Variants in SAMMSON observed in about 807,000 individuals in gnomAD.
The protein encoded by SAMMSON is survival associated mitochondrial melanoma specific oncogenic non-coding RNA, also known as long intergenic non-protein coding RNA 1212.
intron 3 of SAMMSON, among the ~76,000 whole-genome samples, chr3:70,071,210 G>A (rs1371881971): frequency 4.6e-5 from 7 of 152,006 alleles, no homozygotes; most frequent in Non-Finnish European, 1.0e-4. Flanking sequence ...ATTTATACGT[G>A]CATCTGTGCA....
At chr3:70,053,431 A>C (rs1238298356) in intron 3 of SAMMSON, among the ~76,000 whole-genome samples, 1 of 152,144 alleles carries the variant, frequency 6.6e-6, no homozygotes, top group Admixed American at 6.5e-5. Context: ...CATAGAAAAG[A>C]GATCAGAAAG....
At chr3:70,163,637 G>T (rs964085753) in intron 4 of SAMMSON, among the ~76,000 whole-genome samples, 5 of 151,912 alleles carry the variant, frequency 3.3e-5, no homozygotes, top group Non-Finnish European at 7.4e-5. Flanking sequence ...GCAAAAGAAA[G>T]AGAGTCATAA....
At chr3:70,166,577 C>T (rs1449401532) in intron 4 of SAMMSON, among the ~76,000 whole-genome samples, 2 of 151,962 alleles carry the variant, frequency 1.3e-5, no homozygotes, top group Non-Finnish European at 1.5e-5. Flanking sequence ...AGCCACTGAC[C>T]TTCAGGCTGC....
rs994841427 is a variant in SAMMSON at position 70,216,474 on chromosome 3, G to A, written n.508-32633G>A. Among the ~76,000 whole-genome samples, 8 of 152,058 alleles carry A rather than the reference G, an allele frequency of 5.3e-5. No homozygotes were observed. The East Asian group carries it at 5.8e-4, about 11-fold the overall frequency. On this transcript the variant is annotated intron_variant and non_coding_transcript_variant, in intron 4 of 9. Transcript: ENST00000642114. Reference sequence around the variant, plus strand: ...TTTCACATGAGGACACAGAAAACGCGGGGATATCAAATAACTTACCCAGAG... The same window carrying A: ...TTTCACATGAGGACACAGAAAACGCAGGGATATCAAATAACTTACCCAGAG...
intron 9 of SAMMSON, among the ~76,000 whole-genome samples, chr3:70,376,398 A>G (rs986367275): frequency 2.0e-5 from 3 of 152,210 alleles, no homozygotes; most frequent in African/African-American, 4.8e-5. Flanking sequence ...ATTACTTCCC[A>G]TGAACTCTAA....
intron 6 of SAMMSON, among the ~76,000 whole-genome samples, chr3:70,258,524 T>C (rs1018635685): frequency 2.0e-5 from 3 of 152,166 alleles, no homozygotes; most frequent in African/African-American, 4.8e-5. Context: ...TCACATGAGC[T>C]AGTAGAGTCT....
At chr3:70,172,291 T>C in intron 4 of SAMMSON, 1 of 151,306 alleles carries the variant, frequency 6.6e-6, no homozygotes, top group East Asian at 1.9e-4. Context: ...TTTTTTTCTT[T>C]TTAAGGTGAC....
chr3:70,293,676 C>T (rs1575618280), intron 7 of SAMMSON, among the ~76,000 whole-genome samples: 1 of 151,938 alleles, frequency 6.6e-6, no homozygotes, highest in East Asian at 1.9e-4. Flanking sequence ...TCCATTTTCT[C>T]TTTCCAGAAA....
intron 6 of SAMMSON, among the ~76,000 whole-genome samples, chr3:70,251,046 T>G (rs566513085): frequency 1.8e-4 from 28 of 152,318 alleles, no homozygotes; most frequent in African/African-American, 6.5e-4. Flanking sequence ...ACTTAGAGAA[T>G]ATGCTGTACA....
chr3:70,215,013 T>C, intron 4 of SAMMSON, among the ~76,000 whole-genome samples: 1 of 152,046 alleles, frequency 6.6e-6, no homozygotes, highest in Admixed American at 6.6e-5. Context: ...ATACAGTCAA[T>C]TTTTTTACTA....
chr3:70,143,988 G>T (rs939855921), intron 4 of SAMMSON, among the ~76,000 whole-genome samples: 1 of 152,002 alleles, frequency 6.6e-6, no homozygotes, highest in African/African-American at 2.4e-5. Context: ...AAACATTTTT[G>T]AAGACAACTT....
chr3:70,182,633 C>A (rs1226998144), intron 4 of SAMMSON, among the ~76,000 whole-genome samples: 1 of 152,128 alleles, frequency 6.6e-6, no homozygotes, highest in Non-Finnish European at 1.5e-5. Context: ...GGCTAATTTA[C>A]AGCGAGGCCC....
chr3:70,108,736 T>A (rs2106659381), intron 4 of SAMMSON, among the ~76,000 whole-genome samples: 1 of 151,872 alleles, frequency 6.6e-6, no homozygotes, highest in South Asian at 2.1e-4. Flanking sequence ...AGAAGTCCTG[T>A]GAGCACACAG....
At chr3:70,029,425 T>G (rs2067055797) in intron 3 of SAMMSON, among the ~76,000 whole-genome samples, 1 of 152,138 alleles carries the variant, frequency 6.6e-6, no homozygotes. Flanking sequence ...AAACCTCCCA[T>G]TTAGCCAGAA....
intron 6 of SAMMSON, among the ~76,000 whole-genome samples, chr3:70,275,563 G>A (rs9637504): frequency 0.13 from 19,232 of 152,034 alleles, 1,590 homozygotes; most frequent in South Asian, 0.25. Context: ...AAGGAATTCA[G>A]TCCTTGGGAC....
intron 9 of SAMMSON, among the ~76,000 whole-genome samples, chr3:70,368,717 G>C (rs1268992411): frequency 2.0e-5 from 3 of 151,502 alleles, no homozygotes; most frequent in Admixed American, 6.6e-5. Flanking sequence ...GTTATGTTCT[G>C]TTGATTTATG....
At chr3:70,211,744 C>A (rs190599355) in intron 4 of SAMMSON, among the ~76,000 whole-genome samples, 1 of 139,440 alleles carries the variant, frequency 7.2e-6, no homozygotes, top group East Asian at 2.2e-4. Context: ...TTTCCTTTTT[C>A]TTCCTTTCTG....
chr3:70,023,060 A>C (rs1211027521), intron 3 of SAMMSON, among the ~76,000 whole-genome samples: 1 of 152,198 alleles, frequency 6.6e-6, no homozygotes, highest in Admixed American at 6.5e-5. Context: ...CCGAATTGCA[A>C]AATCTCACCT....
intron 3 of SAMMSON, chr3:70,030,697 AAAAT>A (rs145041139): frequency 6.6e-6 from 1 of 152,314 alleles, no homozygotes; most frequent in East Asian, 1.9e-4. Flanking sequence ...AAAAACAATG[AAAAT>A]AAATAATCCA....
Sources: gnomAD v4.1 joint callset for allele counts (sites outside exome capture counted in the v4.1 genomes callset) on GRCh38, gnomAD v4.1.1 for gene constraint, MANE v1.5 for transcripts, NCBI Gene and HGNC (gene_info 2026-07-23, HGNC 2026-07-21) for gene names.